EXT2: variants seen among roughly 807,000 people sequenced by gnomAD.
The protein encoded by EXT2 is exostosin-2.
Under a neutral mutation model 81.6 loss-of-function variants are expected in EXT2, and 53 were observed. The observed-to-expected ratio is 0.65, with a 90% confidence interval of 0.52 to 0.82. The LOEUF is 0.82. EXT2 is among the 40% of genes least tolerant of loss of function. The probability of loss-of-function intolerance (pLI) is 0.00; values close to 1 mark genes in which losing one functional copy is unlikely to be tolerated. For synonymous variants in EXT2, 320 were observed against 340.0 expected (o/e 0.94, Z 0.65); for missense variants, 774 against 910.2 (o/e 0.85, Z 1.93).
intron 10 of EXT2, among the ~76,000 whole-genome samples, chr11:44,209,324 A>T (rs187428511): frequency 6.6e-6 from 1 of 152,256 alleles, no homozygotes; most frequent in Admixed American, 6.5e-5. Flanking sequence ...TGTGTGATAG[A>T]CAGTAGATTT....
At chr11:44,172,015 G>A in intron 8 of EXT2, 1 of 482,824 alleles carries the variant, frequency 2.1e-6, no homozygotes. Flanking sequence ...GGTCTTGTTG[G>A]AAATCAAAGA....
intron 8 of EXT2, among the ~76,000 whole-genome samples, chr11:44,189,127 G>A (rs1219280138): frequency 1.3e-5 from 2 of 152,172 alleles, no homozygotes; most frequent in African/African-American, 2.4e-5. Context: ...TCAGATATCA[G>A]TCATGGTACT....
chr11:44,244,107 T>G (rs761695457), intron 13 of EXT2, 42 bp from the exon 14 acceptor site: 2 of 1,601,236 alleles, frequency 1.2e-6, no homozygotes, highest in Non-Finnish European at 1.7e-6. Context: ...CTTCTCATTC[T>G]GCTCAAACCC....
intron 10 of EXT2, among the ~76,000 whole-genome samples, chr11:44,213,062 G>GA (rs1023995587): frequency 8.0e-5 from 12 of 150,700 alleles, no homozygotes; most frequent in Admixed American, 1.3e-4. Context: ...TTCAAAACTT[G>GA]AAAAAAAAAT....
intron 8 of EXT2, among the ~76,000 whole-genome samples, chr11:44,196,696 A>C (rs147964959): frequency 3.4e-4 from 52 of 152,336 alleles, no homozygotes; most frequent in African/African-American, 1.2e-3. Flanking sequence ...AGAGCTTTTA[A>C]AATAAAAATA....
At chr11:44,226,669 T>C (rs965636481) in intron 10 of EXT2, among the ~76,000 whole-genome samples, 1 of 152,212 alleles carries the variant, frequency 6.6e-6, no homozygotes, top group Non-Finnish European at 1.5e-5. Context: ...CAGCTCGGAA[T>C]TGGAAGCCAG....
intron 11 of EXT2, 78 bp downstream of exon 11, chr11:44,232,574 A>T: frequency 6.4e-7 from 1 of 1,565,290 alleles, no homozygotes. Context: ...TTAATTTTTC[A>T]TACCTGCCAA....
chr11:44,248,592 G>A lies in EXT2; in HGVS notation c.*4305G>A, dbSNP rs575073741. 3.3e-5 allele frequency among the ~76,000 whole-genome samples: 5 copies of A among 152,208 alleles called. No homozygotes were observed. The highest frequency in any genetic ancestry group is 3.3e-4 in the Admixed American group (5 of 15,282). On this transcript the variant is annotated 3_prime_UTR_variant, in exon 14 of 14. Coordinates refer to ENST00000533608, the MANE Select transcript of EXT2 (RefSeq NM_207122.2). ...GCTTATCTTGGCAGAGGAAAGTCAGGCAGGCAAGACCCACTCTAAATTTTA... is the reference window on the plus strand; with the variant it reads ...GCTTATCTTGGCAGAGGAAAGTCAGACAGGCAAGACCCACTCTAAATTTTA...
At chr11:44,123,512 T>C (rs1363711754) in intron 4 of EXT2, among the ~76,000 whole-genome samples, 1 of 152,210 alleles carries the variant, frequency 6.6e-6, no homozygotes, top group African/African-American at 2.4e-5. Flanking sequence ...TTGTGGTCCC[T>C]CAGCCTAAAC....
rs1179742461 is a variant in EXT2, at chr11:44,156,569, A to G, written c.1174-15042A>G. 2.6e-5 allele frequency among the ~76,000 whole-genome samples: 4 copies of G among 152,214 alleles called. No individual in the cohort carries two copies. The East Asian group carries it at 7.7e-4, about 29-fold the overall frequency. The stretch of plus-strand genomic sequence containing the variant: ...CAGAATTTCTGCTTGATTTTCAAAA[A>G]TTATTTCAATCTCCTTTGTTAAATT... On this transcript the variant is annotated intron_variant, in intron 7 of 13. Coordinates refer to ENST00000533608, the MANE Select transcript of EXT2 (RefSeq NM_207122.2).
At chr11:44,163,769 C>T (rs941878019) in intron 7 of EXT2, among the ~76,000 whole-genome samples, 3 of 152,148 alleles carry the variant, frequency 2.0e-5, no homozygotes, top group Non-Finnish European at 4.4e-5. Context: ...AGAAGATTTG[C>T]CTTTTTAACA....
chr11:44,230,280 A>G (rs1426526390), intron 10 of EXT2, among the ~76,000 whole-genome samples: 1 of 152,204 alleles, frequency 6.6e-6, no homozygotes, highest in African/African-American at 2.4e-5. Context: ...GTGAGGGGAC[A>G]TGGTGAGAGA....
chr11:44,239,983 T>C lies in EXT2; in HGVS notation c.2018+3608T>C, dbSNP rs188030769. 3.2e-3 allele frequency among the ~76,000 whole-genome samples: 493 copies of C among 152,286 alleles called. 3 individuals carry two copies. Among genetic ancestry groups the C allele is most frequent in the Non-Finnish European group, 2.7e-3 (187 of 68,038 alleles). On this transcript the variant is annotated intron_variant, in intron 13 of 13. Coordinates refer to ENST00000533608, the MANE Select transcript of EXT2 (RefSeq NM_207122.2). ...CCTTCTTTATAGTTTAAATCATCTCTAGATTACTTACAATCCCTAATACAA... is the reference window on the plus strand; with the variant it reads ...CCTTCTTTATAGTTTAAATCATCTCCAGATTACTTACAATCCCTAATACAA...
At chr11:44,118,554 A>C (rs1239314407) in intron 4 of EXT2, among the ~76,000 whole-genome samples, 1 of 152,204 alleles carries the variant, frequency 6.6e-6, no homozygotes, top group Non-Finnish European at 1.5e-5. Context: ...CACTAAATAG[A>C]AACTTGGAAG....
At chr11:44,119,141 T>TAC (rs1954270844) in intron 4 of EXT2, among the ~76,000 whole-genome samples, 1 of 39,126 alleles carries the variant, frequency 2.6e-5, no homozygotes, top group Non-Finnish European at 5.5e-5. Context: ...TATATATATA[T>TAC]ATATATATAT....
intron 11 of EXT2, 89 bp downstream of exon 11, chr11:44,232,585 G>A (rs918276049): frequency 6.5e-7 from 1 of 1,534,888 alleles, no homozygotes; most frequent in African/African-American, 1.4e-5. Flanking sequence ...TACCTGCCAA[G>A]AGGGCTTAGA....
intron 13 of EXT2, among the ~76,000 whole-genome samples, chr11:44,236,929 A>G (rs1191164827): frequency 1.3e-5 from 2 of 152,200 alleles, no homozygotes; most frequent in South Asian, 2.1e-4. Flanking sequence ...TTTGTGTGGA[A>G]TGTAATCCTA....
chr11:44,219,461 T>A (rs572158943), intron 10 of EXT2, among the ~76,000 whole-genome samples: 1 of 152,090 alleles, frequency 6.6e-6, no homozygotes, highest in Non-Finnish European at 1.5e-5. Flanking sequence ...GCCACTGCAC[T>A]CCAGCCTGGG....
Position 44,245,149 on chromosome 11 carries a change from T to G in EXT2, c.*862T>G, listed in dbSNP as rs192098481. On this transcript the variant is annotated 3_prime_UTR_variant, in exon 14 of 14. Coordinates refer to ENST00000533608, the MANE Select transcript of EXT2 (RefSeq NM_207122.2). ...CTCAGAAACCTCCAGAGGAATCTGT[T>G]TGCTTCCTGATTAGATCCAGTCAAT... 1.2e-4 allele frequency: 28 copies of G among 230,038 alleles called. No individual in the cohort carries two copies. In the East Asian group the frequency reaches 1.7e-3, roughly 14 times the overall value. The allele number at this position is 230,038 out of a possible 1,614,324, so 14.2% of individuals were successfully genotyped here.
Sources: allele counts gnomAD v4.1 joint callset (sites outside exome capture counted in the v4.1 genomes callset), GRCh38; gene constraint gnomAD v4.1.1; transcripts MANE v1.5; gene names NCBI Gene and HGNC (gene_info 2026-07-23, HGNC 2026-07-21).